RANBP10: variants seen among roughly 807,000 people sequenced by gnomAD.
RANBP10 encodes RAN binding protein 10, also known as ran-binding protein 10.
Under a neutral mutation model 72.8 loss-of-function variants are expected in RANBP10, and 24 were observed. That is an observed-to-expected ratio of 0.33 (90% CI 0.24 to 0.46). The LOEUF is 0.46. RANBP10 is among the 20% of genes least tolerant of loss of function. RANBP10 has a pLI of 1.00. For missense variants in RANBP10, 679 were observed against 817.5 expected (o/e 0.83, Z 2.07); for synonymous variants, 310 against 322.3 (o/e 0.96, Z 0.41).
chr16:67,783,620 A>AAG (rs1288489826), intron 2 of RANBP10, among the ~76,000 whole-genome samples: 1 of 152,176 alleles, frequency 6.6e-6, no homozygotes, highest in Non-Finnish European at 1.5e-5. Context: ...AAAGGCTCCT[A>AAG]AGCTCCTTCC....
At chr16:67,728,735 T>A (rs2053661101) in intron 10 of RANBP10, 4 of 773,740 alleles carry the variant, frequency 5.2e-6, no homozygotes, top group Non-Finnish European at 8.1e-6. Flanking sequence ...GCCCCAGTGC[T>A]GCCTCTGTGA....
intron 2 of RANBP10, among the ~76,000 whole-genome samples, chr16:67,785,370 G>C (rs991970016): frequency 6.6e-6 from 1 of 152,034 alleles, no homozygotes; most frequent in Non-Finnish European, 1.5e-5. Context: ...TGGATTTAGA[G>C]ATGATACAAA....
chr16:67,761,677 C>A (rs1245267980), intron 3 of RANBP10, among the ~76,000 whole-genome samples: 1 of 152,172 alleles, frequency 6.6e-6, no homozygotes, highest in African/African-American at 2.4e-5. Flanking sequence ...TCAAGCAATT[C>A]TCCTGCCTCA....
intron 2 of RANBP10, 97 bp from the exon 3 acceptor site, chr16:67,772,183 G>A: frequency 7.5e-7 from 1 of 1,340,818 alleles, no homozygotes; most frequent in African/African-American, 1.5e-5. Flanking sequence ...ACAGAAAAAT[G>A]AGAAAAGCAA....
Position 67,728,393 on chromosome 16 carries a change from T to A in RANBP10, c.1471A>T (p.Met491Leu). 1 of 1,614,110 alleles carries A rather than the reference T, an allele frequency of 6.2e-7. No individual in the cohort carries two copies. The highest frequency in any genetic ancestry group is 8.5e-7 in the Non-Finnish European group (1 of 1,179,994). The change falls in exon 11 of 14, where the codon ATG (methionine) becomes TTG (leucine). Residue 491 changes from methionine to leucine, a missense_variant. Transcript: ENST00000317506. Reference sequence around the variant, plus strand: ...CACACCGGGCCGTGGCTCTCACCCATGCTGGACTCATCCGTCTGCAGGTCC... The same window carrying A: ...CACACCGGGCCGTGGCTCTCACCCAAGCTGGACTCATCCGTCTGCAGGTCC... ...HEDLQTDESSMDDRHPRRQLC... is the reference protein window; with the variant it reads ...HEDLQTDESSLDDRHPRRQLC...
chr16:67,772,622 T>C (rs7206896), intron 2 of RANBP10, among the ~76,000 whole-genome samples: 8,212 of 152,220 alleles, frequency 0.054, 569 homozygotes, highest in African/African-American at 0.16. Flanking sequence ...TACATTCACA[T>C]TGGCCTCCCA....
At chr16:67,761,967 C>G (rs2054403509) in intron 3 of RANBP10, among the ~76,000 whole-genome samples, 1 of 152,000 alleles carries the variant, frequency 6.6e-6, no homozygotes, top group African/African-American at 2.4e-5. Flanking sequence ...ATAAGAATAG[C>G]TAATACAGCT....
chr16:67,748,006 T>C (rs1230136659), intron 3 of RANBP10, among the ~76,000 whole-genome samples: 2 of 150,428 alleles, frequency 1.3e-5, no homozygotes, highest in African/African-American at 4.9e-5. Flanking sequence ...TTGTATTTTT[T>C]AGTAGAGACG....
At chr16:67,793,374 C>T (rs371697697) in intron 2 of RANBP10, among the ~76,000 whole-genome samples, 6 of 149,322 alleles carry the variant, frequency 4.0e-5, no homozygotes, top group Admixed American at 6.8e-5. Flanking sequence ...CACAATGGCA[C>T]GACCACGGCT....
In RANBP10 at chr16:67,727,443, A is replaced by G; in HGVS notation, c.1621-5T>C. On this transcript the variant is annotated splice_region_variant and splice_polypyrimidine_tract_variant and intron_variant, in intron 12 of 13. Coordinates refer to ENST00000317506, the MANE Select transcript of RANBP10 (RefSeq NM_020850.3). The stretch of plus-strand genomic sequence containing the variant: ...TGCCAGCAGGCTGAAGGCATCCTAC[A>G]GGACAGGGCATTCTTGAGAGGACTG... 1 of 1,611,464 alleles carries G rather than the reference A, an allele frequency of 6.2e-7. No homozygotes were observed.
intron 3 of RANBP10, among the ~76,000 whole-genome samples, chr16:67,758,282 A>C (rs1045692816): frequency 6.6e-6 from 1 of 152,170 alleles, no homozygotes; most frequent in African/African-American, 2.4e-5. Context: ...ATACTGAACT[A>C]GGAAAGGTGT....
intron 2 of RANBP10, among the ~76,000 whole-genome samples, chr16:67,778,510 A>G (rs571433449): frequency 8.5e-5 from 13 of 152,346 alleles, no homozygotes; most frequent in African/African-American, 3.1e-4. Flanking sequence ...CTTGGACAAA[A>G]GCACAGGCAA....
At chr16:67,761,490 C>T (rs2054394060) in intron 3 of RANBP10, among the ~76,000 whole-genome samples, 1 of 152,250 alleles carries the variant, frequency 6.6e-6, no homozygotes, top group Admixed American at 6.5e-5. Flanking sequence ...TATTCAAACA[C>T]AGAAGACCAA....
chr16:67,756,491 G>A (rs1359291724), intron 3 of RANBP10, among the ~76,000 whole-genome samples: 2 of 152,132 alleles, frequency 1.3e-5, no homozygotes, highest in Non-Finnish European at 2.9e-5. Flanking sequence ...GGACGCTGAG[G>A]CGGGCGTTCA....
rs201550845 is a variant in RANBP10, at chr16:67,729,309, G to T, written c.1323C>A (p.His441Gln). 1.9e-6 allele frequency: 3 copies of T among 1,612,710 alleles called. No homozygotes were observed. The East Asian group carries it at 6.7e-5, about 36-fold the overall frequency. ...TCTCCTGGTTACTGGTACTGCTGTGGTGCTGGGACTTGGTGGAGTCTGTTG... is the reference window on the plus strand; with the variant it reads ...TCTCCTGGTTACTGGTACTGCTGTGTTGCTGGGACTTGGTGGAGTCTGTTG... ...SNSTDSTKSQ[H>Q]HSSTSNQETS... Residue 441 changes from histidine (H) to glutamine (Q), a missense_variant, in exon 10 of 14, where the codon CAC becomes CAA. Physicochemically the swap from His to Gln is conservative, Grantham distance 24. Coordinates refer to ENST00000317506, the MANE Select transcript of RANBP10 (RefSeq NM_020850.3). This position sits in a 1 kb window ranked among gnomAD's most constrained non-coding sequence, Gnocchi z 7.1.
intron 3 of RANBP10, among the ~76,000 whole-genome samples, chr16:67,745,958 A>G (rs2054067342): frequency 6.6e-6 from 1 of 151,894 alleles, no homozygotes; most frequent in African/African-American, 2.4e-5. Context: ...GGAGTTCAAG[A>G]CAAGCCTGAC....
intron 2 of RANBP10, among the ~76,000 whole-genome samples, chr16:67,797,801 ACT>A (rs145078230): frequency 0.079 from 11,936 of 151,728 alleles, 633 homozygotes; most frequent in Admixed American, 0.11. Flanking sequence ...ACAGAGCAAC[ACT>A]CTGTCTCAAA....
chr16:67,776,480 A>AAAAAAAG (rs2054707911), intron 2 of RANBP10, among the ~76,000 whole-genome samples: 1 of 149,036 alleles, frequency 6.7e-6, no homozygotes, highest in Non-Finnish European at 1.5e-5. Flanking sequence ...AAAAAAAAAA[A>AAAAAAAG]AAAAAAGAAT....
chr16:67,734,804 T>G, intron 6 of RANBP10, 54 bp downstream of exon 6: 2 of 1,462,600 alleles, frequency 1.4e-6, no homozygotes, highest in African/African-American at 1.5e-5. Context: ...GGGCCTAGAG[T>G]GAAGTGGGCT....
Sources: gnomAD v4.1 joint callset for allele counts (sites outside exome capture counted in the v4.1 genomes callset) on GRCh38, gnomAD v4.1.1 for gene constraint, Gnocchi (gnomAD v3.1) non-coding constraint, MANE v1.5 for transcripts, NCBI Gene and HGNC (gene_info 2026-07-23, HGNC 2026-07-21) for gene names.